Variants in TMEM178B observed in about 807,000 individuals in gnomAD.
TMEM178B encodes transmembrane protein 178B.
TMEM178B carries 5 observed loss-of-function variants against 31.0 expected under a neutral mutation model. The observed-to-expected ratio is 0.16, with a 90% CI of 0.08 to 0.34. The LOEUF (loss-of-function observed/expected upper bound fraction) is 0.34, where lower values mean the gene tolerates loss of function less well. Ranked by LOEUF, TMEM178B falls within the 10% of genes least tolerant of loss-of-function variation. TMEM178B has a pLI of 1.00. For missense variants in TMEM178B, 275 were observed against 400.3 expected (o/e 0.69, Z 2.67); for synonymous variants, 164 against 164.0 (o/e 1.00, Z 0.00).
downstream of TMEM178B, among the ~76,000 whole-genome samples, chr7:141,484,002 C>T (rs1802519928): frequency 6.6e-6 from 1 of 152,138 alleles, no homozygotes; most frequent in African/African-American, 2.4e-5. The surrounding 1 kb of genome is among the most constrained non-coding windows in gnomAD (Gnocchi z 4.8). Context: ...TCCCAAAGTC[C>T]TGGGATTACA....
In TMEM178B at chr7:141,475,422, A is replaced by G. The variant is rs1199711945; in HGVS notation, c.*4636A>G. 3 of 152,204 alleles carry G rather than the reference A, an allele frequency of 2.0e-5. No homozygotes were observed. Among genetic ancestry groups the G allele is most frequent in the African/African-American group, 7.2e-5 (3 of 41,442 alleles). 9.4% of individuals were successfully genotyped at this position (152,204 alleles called of 1,614,324 possible). ...GTATTGGATTTCTTTCCTGAATAAT[A>G]ACTGCTCATTGTAGAAAATAAGAAA... On this transcript the variant is annotated 3_prime_UTR_variant, in exon 4 of 4. Transcript: ENST00000565468.
chr7:141,094,481 A>G (rs887124324), intron 1 of TMEM178B, among the ~76,000 whole-genome samples: 2 of 152,202 alleles, frequency 1.3e-5, no homozygotes, highest in Non-Finnish European at 2.9e-5. Flanking sequence ...TATAAAAAGG[A>G]TCTCTGGTCA....
At chr7:141,332,938 A>G (rs1487171249) in intron 2 of TMEM178B, among the ~76,000 whole-genome samples, 1 of 152,228 alleles carries the variant, frequency 6.6e-6, no homozygotes, top group Non-Finnish European at 1.5e-5. Flanking sequence ...AGTAGGTTGC[A>G]GGGATCTCCT....
At chr7:141,363,736 G>A (rs1368452951) in intron 2 of TMEM178B, among the ~76,000 whole-genome samples, 1 of 152,030 alleles carries the variant, frequency 6.6e-6, no homozygotes, top group Non-Finnish European at 1.5e-5. Flanking sequence ...TTTGAATAAA[G>A]ATAAGCCTGG....
At chr7:141,227,223 C>T (rs772003525) in intron 2 of TMEM178B, among the ~76,000 whole-genome samples, 12 of 152,306 alleles carry the variant, frequency 7.9e-5, no homozygotes, top group East Asian at 3.9e-4. Flanking sequence ...GAGGAGGAAA[C>T]GACCATCTTA....
intron 1 of TMEM178B, among the ~76,000 whole-genome samples, chr7:141,139,078 C>T (rs539515690): frequency 6.6e-6 from 1 of 151,898 alleles, no homozygotes; most frequent in South Asian, 2.1e-4. Flanking sequence ...AGGGTTTTTT[C>T]TCAGAGATAT....
chr7:141,464,006 G>A (rs1802106377), intron 3 of TMEM178B, among the ~76,000 whole-genome samples: 1 of 152,188 alleles, frequency 6.6e-6, no homozygotes, highest in Admixed American at 6.5e-5. Context: ...GAAAGTAGAA[G>A]GCAGGACTCC....
chr7:141,482,318 C>T (rs549185554), downstream of TMEM178B, among the ~76,000 whole-genome samples: 2 of 152,216 alleles, frequency 1.3e-5, no homozygotes, highest in African/African-American at 2.4e-5. Context: ...CCCTGAACAC[C>T]CACCTGGGCG....
intron 1 of TMEM178B, among the ~76,000 whole-genome samples, chr7:141,128,140 G>A (rs898024810): frequency 2.6e-5 from 4 of 152,192 alleles, no homozygotes; most frequent in Non-Finnish European, 5.9e-5. Context: ...GAGAATAAAA[G>A]GGACACTATT....
At chr7:141,183,170 A>G (rs1401529526) in intron 1 of TMEM178B, among the ~76,000 whole-genome samples, 1 of 152,220 alleles carries the variant, frequency 6.6e-6, no homozygotes, top group Admixed American at 6.5e-5. Context: ...AGAGGACCTC[A>G]GAGTAAACAT....
chr7:141,185,868 G>A (rs1333072625), intron 1 of TMEM178B, among the ~76,000 whole-genome samples: 1 of 151,950 alleles, frequency 6.6e-6, no homozygotes, highest in African/African-American at 2.4e-5. Context: ...TTGCATTCAG[G>A]GCTTTTCTGG....
rs142844721 is a variant in TMEM178B, at chr7:141,282,710, C to T, written c.496+70006C>T. Among the ~76,000 whole-genome samples, 771 of 152,332 alleles carry T rather than the reference C, an allele frequency of 5.1e-3. 6 individuals carry two copies. Among genetic ancestry groups the T allele is most frequent in the African/African-American group, 0.018 (744 of 41,564 alleles). ...GAGAGGAATGCTAGTGAAATTCAAA[C>T]ATACTTGTGAATGTAAATTCAAACC... is the stretch of plus-strand genomic sequence containing the variant. On this transcript the variant is annotated intron_variant, in intron 2 of 3. Transcript: ENST00000565468.
chr7:141,447,015 G>A (rs1221352024), intron 3 of TMEM178B, among the ~76,000 whole-genome samples: 1 of 151,994 alleles, frequency 6.6e-6, no homozygotes, highest in African/African-American at 2.4e-5. Flanking sequence ...CTCTCCGACT[G>A]ATCACCCGTA....
rs147249338 is a variant in TMEM178B, at chr7:141,134,613, G to A, written c.382+59921G>A. ...CAATGATAAACATTAAGAAAGAAAG[G>A]AACAAAGAATATACAAAACAACCAG... On this transcript the variant is annotated intron_variant, in intron 1 of 3. Coordinates refer to ENST00000565468, the MANE Select transcript of TMEM178B (RefSeq NM_001195278.2). 2.6e-3 allele frequency among the ~76,000 whole-genome samples: 394 copies of A among 152,044 alleles called. 3 individuals are homozygous for A. Among genetic ancestry groups the A allele is most frequent in the Middle Eastern group, 0.014 (4 of 294 alleles).
At chr7:141,264,530 G>A (rs1049553353) in intron 2 of TMEM178B, among the ~76,000 whole-genome samples, 2 of 152,206 alleles carry the variant, frequency 1.3e-5, no homozygotes, top group African/African-American at 4.8e-5. Context: ...AGCTGGCAAG[G>A]AAGGGATCCG....
intron 1 of TMEM178B, among the ~76,000 whole-genome samples, chr7:141,133,807 A>T (rs1795632390): frequency 6.6e-6 from 1 of 152,236 alleles, no homozygotes; most frequent in East Asian, 1.9e-4. Context: ...CTAAAAGTCA[A>T]AGACAAAGAA....
intron 1 of TMEM178B, among the ~76,000 whole-genome samples, chr7:141,188,486 G>A (rs1796647652): frequency 6.6e-6 from 1 of 152,176 alleles, no homozygotes; most frequent in African/African-American, 2.4e-5. Flanking sequence ...TTGGATGTAG[G>A]ACGAAACTGA....
chr7:141,304,590 T>C (rs1798785827), intron 2 of TMEM178B, among the ~76,000 whole-genome samples: 1 of 152,136 alleles, frequency 6.6e-6, no homozygotes, highest in Non-Finnish European at 1.5e-5. Context: ...GGGTTCTCAG[T>C]TCTACATCAC....
chr7:141,493,338 G>A, the TMEM178B span, among the ~76,000 whole-genome samples: 19 of 152,206 alleles, frequency 1.2e-4, no homozygotes, highest in African/African-American at 1.7e-4. Flanking sequence ...GTGTTCTGAC[G>A]AAGGACAGAG....
Sources: gnomAD v4.1 joint callset for allele counts (sites outside exome capture counted in the v4.1 genomes callset) on GRCh38, gnomAD v4.1.1 for gene constraint, Gnocchi (gnomAD v3.1) non-coding constraint, MANE v1.5 for transcripts, NCBI Gene and HGNC (gene_info 2026-07-23, HGNC 2026-07-21) for gene names.